Variants in MIS18A observed in about 807,000 individuals in gnomAD.
MIS18A encodes the protein MIS18 kinetochore protein A.
Under a neutral mutation model 25.0 loss-of-function variants are expected in MIS18A, and 14 were observed. The ratio of observed to expected loss-of-function variants is 0.56; its 90% CI spans 0.37 to 0.88. MIS18A has a LOEUF of 0.88. MIS18A is among the 40% of genes least tolerant of loss of function. The pLI is 0.00. For missense variants in MIS18A, 292 were observed against 290.8 expected, an observed-to-expected ratio of 1.00 and a Z score of -0.03; for synonymous variants, 134 against 118.6, an observed-to-expected ratio of 1.13 and a Z score of -0.84.
At chr21:32,161,817 G>T in the MIS18A span, among the ~76,000 whole-genome samples, 1 of 151,094 alleles carries the variant, frequency 6.6e-6, no homozygotes, top group Non-Finnish European at 1.5e-5. Context: ...AACGTTTTTT[G>T]ACTAAATGAA....
At chr21:32,273,806 T>C (rs2031757333) in intron 2 of MIS18A, among the ~76,000 whole-genome samples, 1 of 152,224 alleles carries the variant, frequency 6.6e-6, no homozygotes, top group South Asian at 2.1e-4. Context: ...TAATACACAT[T>C]AAAATATACA....
At chr21:32,262,816 T>A in the MIS18A span, among the ~76,000 whole-genome samples, 2 of 152,160 alleles carry the variant, frequency 1.3e-5, no homozygotes, top group Non-Finnish European at 2.9e-5. Flanking sequence ...TGAGGCCAGT[T>A]CTATTTGAAA....
intron 4 of MIS18A, among the ~76,000 whole-genome samples, 165 bp from the exon 5 acceptor site, chr21:32,269,282 T>A (rs551765017): frequency 4.7e-4 from 72 of 152,346 alleles, no homozygotes; most frequent in Non-Finnish European, 9.0e-4. Context: ...ATAAATTTTT[T>A]AAAAATAAAG....
the MIS18A span, among the ~76,000 whole-genome samples, chr21:32,239,815 A>G: frequency 1.8e-4 from 28 of 152,342 alleles, no homozygotes; most frequent in African/African-American, 6.3e-4. Flanking sequence ...TCTGAGGAAG[A>G]AAAGTGCTAC....
chr21:32,230,178 T>C, the MIS18A span, among the ~76,000 whole-genome samples: 1 of 152,210 alleles, frequency 6.6e-6, no homozygotes, highest in Non-Finnish European at 1.5e-5. Context: ...TGAATTATCA[T>C]CTTTGGATGG....
the MIS18A span, among the ~76,000 whole-genome samples, chr21:32,180,078 G>C: frequency 6.6e-6 from 1 of 152,164 alleles, no homozygotes; most frequent in Non-Finnish European, 1.5e-5. Context: ...GGCTTATCAA[G>C]GTGAAGACTT....
At chr21:32,200,674 G>A in the MIS18A span, among the ~76,000 whole-genome samples, 1 of 151,964 alleles carries the variant, frequency 6.6e-6, no homozygotes, top group Non-Finnish European at 1.5e-5. Context: ...TCCTGACCTC[G>A]TGATTCGCCT....
At chr21:32,202,235 C>A in the MIS18A span, among the ~76,000 whole-genome samples, 1 of 151,874 alleles carries the variant, frequency 6.6e-6, no homozygotes, top group Admixed American at 6.6e-5. Context: ...CTGCAGTGAG[C>A]CGTGACTGTG....
the MIS18A span, among the ~76,000 whole-genome samples, chr21:32,186,860 C>G: frequency 6.6e-6 from 1 of 152,128 alleles, no homozygotes; most frequent in East Asian, 1.9e-4. Context: ...GCAAGGAGCT[C>G]AGAGAGAGCC....
chr21:32,234,279 C>T, the MIS18A span, among the ~76,000 whole-genome samples: 1 of 152,170 alleles, frequency 6.6e-6, no homozygotes. Context: ...TCTGGCCCCA[C>T]CCTAGAAAGC....
At chr21:32,254,650 T>C in the MIS18A span, among the ~76,000 whole-genome samples, 1 of 152,236 alleles carries the variant, frequency 6.6e-6, no homozygotes, top group East Asian at 1.9e-4. Context: ...TTTTGTCATG[T>C]TGTTATAAAT....
At chr21:32,181,287 T>TCC in the MIS18A span, among the ~76,000 whole-genome samples, 3 of 152,186 alleles carry the variant, frequency 2.0e-5, no homozygotes, top group Non-Finnish European at 4.4e-5. Flanking sequence ...TTGCACTGTA[T>TCC]CCCTGGCTTT....
At chr21:32,194,665 A>T in the MIS18A span, among the ~76,000 whole-genome samples, 9 of 85,808 alleles carry the variant, frequency 1.0e-4, no homozygotes, top group African/African-American at 3.1e-4. Context: ...GTCTCGAATT[A>T]AAAAAAAAAA....
chr21:32,254,846 A>G, the MIS18A span, among the ~76,000 whole-genome samples: 7 of 152,204 alleles, frequency 4.6e-5, no homozygotes, highest in Non-Finnish European at 1.0e-4. Flanking sequence ...ATATGGCACA[A>G]AGATTTCACT....
the MIS18A span, among the ~76,000 whole-genome samples, chr21:32,186,135 G>A: frequency 3.7e-4 from 57 of 152,174 alleles, no homozygotes; most frequent in Non-Finnish European, 6.8e-4. Context: ...TGGCATCACG[G>A]CAACATTGGC....
At position 32,278,838 on chromosome 21, in the gene MIS18A, C is replaced by A. The variant is rs778865559; in HGVS notation, c.177G>T (p.Ala59=). Residue 59 remains alanine (A), a synonymous_variant, in exon 1 of 5, where the codon GCG becomes GCT. Transcript: ENST00000290130. ...ASMWSSMSED[A]SVADMERAQL... ...GCGCCCTCTCCATGTCGGCCACCGA[C>A]GCGTCTTCGCTCATGGAGCTCCACA... is the stretch of plus-strand genomic sequence containing the variant. 6.2e-6 allele frequency: 10 copies of A among 1,608,370 alleles called. No homozygotes were observed. Among genetic ancestry groups the A allele is most frequent in the Non-Finnish European group, 6.8e-6 (8 of 1,178,376 alleles).
intron 1 of MIS18A, among the ~76,000 whole-genome samples, chr21:32,277,242 G>C (rs1403518692): frequency 6.6e-6 from 1 of 152,078 alleles, no homozygotes; most frequent in Non-Finnish European, 1.5e-5. Context: ...AAATTTAAAA[G>C]CTATTGTTAT....
chr21:32,250,903 C>T, the MIS18A span, among the ~76,000 whole-genome samples: 1 of 152,134 alleles, frequency 6.6e-6, no homozygotes, highest in African/African-American at 2.4e-5. Context: ...TCCCATAATC[C>T]CTACATGTGG....
the MIS18A span, among the ~76,000 whole-genome samples, chr21:32,245,952 G>A: frequency 6.6e-6 from 1 of 152,134 alleles, no homozygotes; most frequent in Non-Finnish European, 1.5e-5. Flanking sequence ...ACGTGATGCT[G>A]GCATCTGCTC....
Sources: allele counts gnomAD v4.1 joint callset (sites outside exome capture counted in the v4.1 genomes callset), GRCh38; gene constraint gnomAD v4.1.1; transcripts MANE v1.5; gene names NCBI Gene and HGNC (gene_info 2026-07-23, HGNC 2026-07-21).